Variants in ARHGAP27 observed in about 807,000 individuals in gnomAD.
ARHGAP27 encodes the protein rho GTPase-activating protein 27.
A neutral mutation model predicts 102.0 loss-of-function variants in ARHGAP27; 53 were observed. The observed-to-expected ratio is 0.52, with a 90% CI of 0.42 to 0.65. ARHGAP27 has a LOEUF of 0.65. Ranked by LOEUF, ARHGAP27 falls within the 30% of genes least tolerant of loss-of-function variation. The probability of loss-of-function intolerance (pLI) is 0.00; values close to 1 mark genes in which losing one functional copy is unlikely to be tolerated. For missense variants in ARHGAP27, 1,117 were observed against 1,256.2 expected, an observed-to-expected ratio of 0.89 and a Z score of 1.68; for synonymous variants, 525 against 542.8, an observed-to-expected ratio of 0.97 and a Z score of 0.46.
chr17:45,405,974 G>C lies in ARHGAP27; in HGVS notation c.767C>G (p.Thr256Arg). 4.6e-6 allele frequency: 7 copies of C among 1,535,862 alleles called. No individual in the cohort carries two copies. Among genetic ancestry groups the C allele is most frequent in the Non-Finnish European group, 6.1e-6 (7 of 1,146,794 alleles). ...GTAGGGGCGCCCGGTGCCCGCGTCC[G>C]TGTGCGTCTCCCACACCGGGCTGGG... ...PLPSPVWETH[T>R]DAGTGRPYYY... Residue 256 changes from threonine to arginine, a missense_variant, in exon 5 of 20, where the codon ACG becomes AGG. Thr to Arg is a moderately conservative substitution (Grantham distance 71). Transcript: ENST00000685559.
At chr17:45,429,509 A>T in intron 4 of ARHGAP27, 114 bp downstream of exon 4, 1 of 1,522,046 alleles carries the variant, frequency 6.6e-7, no homozygotes, top group Non-Finnish European at 8.7e-7. Flanking sequence ...CTTCGGACAG[A>T]GGTGGGCGTC....
chr17:45,417,576 G>A (rs2048593118), intron 4 of ARHGAP27, among the ~76,000 whole-genome samples: 1 of 152,072 alleles, frequency 6.6e-6, no homozygotes, highest in Admixed American at 6.6e-5. Context: ...AGACCAGCCT[G>A]GCCAACATGG....
At chr17:45,401,851 A>G (rs2046476063) in intron 12 of ARHGAP27, among the ~76,000 whole-genome samples, 1 of 152,206 alleles carries the variant, frequency 6.6e-6, no homozygotes, top group African/African-American at 2.4e-5. Context: ...CTTAGCACCC[A>G]TACATCATCT....
chr17:45,421,201 G>A (rs1385548027), intron 4 of ARHGAP27, among the ~76,000 whole-genome samples: 2 of 146,390 alleles, frequency 1.4e-5, no homozygotes, highest in South Asian at 2.6e-4. Flanking sequence ...GCAACAGTCC[G>A]GGCGCAGTGG....
intron 4 of ARHGAP27, 121 bp from the exon 5 acceptor site, chr17:45,406,204 T>A: frequency 8.3e-7 from 1 of 1,204,342 alleles, no homozygotes; most frequent in Non-Finnish European, 1.1e-6. Context: ...TTCTTTAAAC[T>A]TTTCTGCAGC....
At chr17:45,418,852 G>A (rs1230077) in intron 4 of ARHGAP27, among the ~76,000 whole-genome samples, 73,850 of 151,934 alleles carry the variant, frequency 0.49, 18,875 homozygotes, top group South Asian at 0.6. Context: ...CAAACAGGTG[G>A]GCCAGGTAGT....
At chr17:45,397,874 G>A in intron 13 of ARHGAP27, 75 bp downstream of exon 13, 1 of 1,336,196 alleles carries the variant, frequency 7.5e-7, no homozygotes, top group Non-Finnish European at 1.0e-6. Context: ...AGAGCTCCCT[G>A]AGCCTGAGCA....
intron 4 of ARHGAP27, among the ~76,000 whole-genome samples, chr17:45,418,706 C>G (rs2048726205): frequency 6.6e-6 from 1 of 152,114 alleles, no homozygotes; most frequent in Admixed American, 6.6e-5. Flanking sequence ...TGGGTGGGAC[C>G]TGGCTGGCAC....
At chr17:45,400,799 C>A (rs866910729) in intron 12 of ARHGAP27, among the ~76,000 whole-genome samples, 5 of 151,962 alleles carry the variant, frequency 3.3e-5, no homozygotes, top group Admixed American at 1.3e-4. Context: ...CCTGTAGTCC[C>A]AGCTACTCGG....
At position 45,404,498 on chromosome 17, in the gene ARHGAP27, T is replaced by G. The variant is rs2046884293; in HGVS notation, c.1360A>C (p.Lys454Gln). 1 of 1,613,386 alleles carries G rather than the reference T, an allele frequency of 6.2e-7. No homozygotes were observed. The highest frequency in any genetic ancestry group is 1.3e-5 in the African/African-American group (1 of 74,868). ...VPVPAPRSIH[K>Q]SSQDGDTPAQ... The stretch of plus-strand genomic sequence containing the variant: ...GGGGTGTCACCATCCTGGCTGGATT[T>G]ATGGATGCTTCGAGGGGCAGGGACA... The change falls in exon 8 of 20, where the codon AAA (lysine) becomes CAA (glutamine). Residue 454 changes from lysine (K) to glutamine (Q), a missense_variant. Around this residue, in one of 3 missense-constraint regions of ARHGAP27, gnomAD observed 610 missense variants for 716.4 expected, o/e 0.85. Coordinates refer to ENST00000685559, the MANE Select transcript of ARHGAP27 (RefSeq NM_001282290.2).
chr17:45,418,799 C>T (rs1411595908), intron 4 of ARHGAP27, among the ~76,000 whole-genome samples: 2 of 151,988 alleles, frequency 1.3e-5, no homozygotes, highest in Non-Finnish European at 2.9e-5. Flanking sequence ...GGGGAGAAGG[C>T]AGGGTGGCTT....
intron 4 of ARHGAP27, among the ~76,000 whole-genome samples, chr17:45,406,795 C>G (rs377652611): frequency 6.6e-6 from 1 of 152,164 alleles, no homozygotes; most frequent in South Asian, 2.1e-4. Context: ...CCACCCCACC[C>G]CACTCTCAGC....
At position 45,427,780 on chromosome 17, in the gene ARHGAP27, T is replaced by TC. The variant is rs1332200097; in HGVS notation, c.657+1842dup. On this transcript the variant is annotated intron_variant, in intron 4 of 19. Transcript: ENST00000685559. The surrounding 1 kb of genome is among the most constrained non-coding windows in gnomAD (Gnocchi z 4.5). The stretch of plus-strand genomic sequence containing the variant: ...CCTGTCTCTGGCCAATGTCCTAGAT[T>TC]CCCCCCCTGGGTAAGTCCCCTACCC... Among the ~76,000 whole-genome samples, 1 of 151,838 alleles carries TC rather than the reference T, an allele frequency of 6.6e-6. No homozygotes were observed. Among genetic ancestry groups the TC allele is most frequent in the Non-Finnish European group, 1.5e-5 (1 of 67,954 alleles).
intron 4 of ARHGAP27, among the ~76,000 whole-genome samples, chr17:45,422,316 C>CT (rs2049112559): frequency 6.6e-6 from 1 of 151,456 alleles, no homozygotes; most frequent in Non-Finnish European, 1.5e-5. Flanking sequence ...TCTCAAGGTG[C>CT]TGAGGCAGGA....
At chr17:45,407,042 C>G (rs948184917) in intron 4 of ARHGAP27, among the ~76,000 whole-genome samples, 1 of 152,186 alleles carries the variant, frequency 6.6e-6, no homozygotes, top group African/African-American at 2.4e-5. Flanking sequence ...GCGTAAGCCT[C>G]CCGGAACAGA....
intron 16 of ARHGAP27, 58 bp from the exon 17 acceptor site, chr17:45,396,342 G>A (rs372585905): frequency 2.0e-6 from 3 of 1,532,172 alleles, no homozygotes; most frequent in South Asian, 2.4e-5. Context: ...GTGGGGCTAC[G>A]GGTCCCTGCT....
Position 45,405,857 on chromosome 17 carries a change from A to T in ARHGAP27, c.884T>A (p.Val295Glu), listed in dbSNP as rs1399330561. The T allele has an allele frequency of 6.5e-7, 1 of 1,536,034 alleles. No homozygotes were observed. Among genetic ancestry groups the T allele is most frequent in the Admixed American group, 2.0e-5 (1 of 50,986 alleles). Reference protein sequence around the residue: ...AASPATSPASVDSHVSLETEW... With the variant: ...AASPATSPASEDSHVSLETEW... ...GGTCTCAAGGCTCACGTGGCTGTCC[A>T]CCGAGGCAGGGGAGGTGGCTGGGCT... is the stretch of plus-strand genomic sequence containing the variant. Residue 295 changes from valine to glutamate, a missense_variant, in exon 5 of 20, where the codon GTG (valine) becomes GAG (glutamate). Physicochemically the swap from Val to Glu is moderately radical, Grantham distance 121. This residue lies in a region of ARHGAP27 where 610 missense variants were observed against 716.4 expected (regional missense o/e 0.85). Transcript: ENST00000685559.
chr17:45,396,739 C>T lies in ARHGAP27; in HGVS notation c.2003G>A (p.Arg668Gln). Residue 668 changes from arginine (R) to glutamine (Q), a missense_variant, in exon 15 of 20, where the codon CGG (arginine) becomes CAG (glutamine). Around this residue, in one of 3 missense-constraint regions of ARHGAP27, gnomAD observed 493 missense variants for 505.5 expected, o/e 0.98. Transcript: ENST00000685559. ...VGLESDLSKVRHKLRKFLQRR... is the reference protein window; with the variant it reads ...VGLESDLSKVQHKLRKFLQRR... ...CTGGAGGAACTTGCGGAGCTTGTGC[C>T]GGACCTTGCTCAAGTCGCTCTCCAG... The T allele has an allele frequency of 1.2e-6, 2 of 1,613,778 alleles. No homozygotes were observed. The highest frequency in any genetic ancestry group is 1.7e-6 in the Non-Finnish European group (2 of 1,179,778).
At chr17:45,403,282 G>C (rs957085455) in intron 11 of ARHGAP27, among the ~76,000 whole-genome samples, 1 of 152,182 alleles carries the variant, frequency 6.6e-6, no homozygotes, top group Non-Finnish European at 1.5e-5. Context: ...GATGGGGGCT[G>C]GGCACAGTGG....
Sources: allele counts gnomAD v4.1 joint callset (sites outside exome capture counted in the v4.1 genomes callset), GRCh38; gene constraint gnomAD v4.1.1; regional missense constraint gnomAD v4.1.1; non-coding constraint Gnocchi (gnomAD v3.1); transcripts MANE v1.5; gene names NCBI Gene and HGNC (gene_info 2026-07-23, HGNC 2026-07-21).